The following SHISA9 variants were observed in gnomAD, a reference collection of about 807,000 sequenced individuals.
The protein encoded by SHISA9 is protein shisa-9.
In SHISA9, 13 loss-of-function variants were observed where a neutral mutation model predicts 38.0. The ratio of observed to expected loss-of-function variants is 0.34; its 90% CI spans 0.22 to 0.54. The LOEUF (loss-of-function observed/expected upper bound fraction) is 0.54. SHISA9 is among the 20% of genes least tolerant of loss of function. SHISA9 has a pLI of 0.91. For synonymous variants in SHISA9, 275 were observed against 242.0 expected, an observed-to-expected ratio of 1.14 and a Z score of -1.27; for missense variants, 538 against 575.8, an observed-to-expected ratio of 0.93 and a Z score of 0.67.
intron 2 of SHISA9, among the ~76,000 whole-genome samples, chr16:13,044,420 A>G (rs965503349): frequency 1.3e-5 from 2 of 152,196 alleles, no homozygotes; most frequent in Non-Finnish European, 2.9e-5. Context: ...TCTCATCCAT[A>G]AAATGATTGT....
chr16:13,288,995 A>C, the SHISA9 span, among the ~76,000 whole-genome samples: 1 of 152,154 alleles, frequency 6.6e-6, no homozygotes, highest in Non-Finnish European at 1.5e-5. Context: ...AGGTTGGTGC[A>C]CAATTCTGTC....
chr16:12,996,605 C>T (rs1048938373), intron 2 of SHISA9, among the ~76,000 whole-genome samples: 6 of 152,096 alleles, frequency 3.9e-5, no homozygotes, highest in Admixed American at 3.3e-4. Context: ...ACTGTGCAAC[C>T]GAACTCAGGA....
chr16:13,122,507 C>T (rs1389880846), intron 2 of SHISA9, among the ~76,000 whole-genome samples: 2 of 152,114 alleles, frequency 1.3e-5, no homozygotes, highest in Admixed American at 6.5e-5. Context: ...CATATTTTCT[C>T]GAGAACAGGT....
intron 2 of SHISA9, among the ~76,000 whole-genome samples, chr16:13,045,187 G>A (rs969852897): frequency 2.0e-5 from 3 of 152,226 alleles, no homozygotes; most frequent in Non-Finnish European, 4.4e-5. Flanking sequence ...AGTCAATATA[G>A]AAATGTTAAG....
the SHISA9 span, among the ~76,000 whole-genome samples, chr16:13,528,515 C>A: frequency 1.3e-5 from 2 of 152,072 alleles, no homozygotes; most frequent in Non-Finnish European, 2.9e-5. Flanking sequence ...AATTGAAATT[C>A]ATCAAGATCC....
intron 2 of SHISA9, among the ~76,000 whole-genome samples, chr16:13,136,487 C>T (rs1233486784): frequency 6.6e-6 from 1 of 150,694 alleles, no homozygotes; most frequent in Non-Finnish European, 1.5e-5. Flanking sequence ...CAACCTCCAC[C>T]TCCCAGGTTC....
chr16:13,268,185 G>C, the SHISA9 span, among the ~76,000 whole-genome samples: 1 of 152,102 alleles, frequency 6.6e-6, no homozygotes, highest in South Asian at 2.1e-4. Flanking sequence ...CCAGGGAGAT[G>C]TTTGGCATGC....
At chr16:13,093,014 A>G (rs527682406) in intron 2 of SHISA9, among the ~76,000 whole-genome samples, 2 of 152,186 alleles carry the variant, frequency 1.3e-5, no homozygotes, top group African/African-American at 4.8e-5. Flanking sequence ...TGTGATATGA[A>G]CCTAACACTT....
At chr16:13,178,837 AG>A in intron 2 of SHISA9, among the ~76,000 whole-genome samples, 1 of 135,838 alleles carries the variant, frequency 7.4e-6, no homozygotes, top group African/African-American at 2.9e-5. Context: ...TTCAGAGGCC[AG>A]GTTTTTGTTG....
At chr16:13,488,141 C>G in the SHISA9 span, among the ~76,000 whole-genome samples, 1 of 152,080 alleles carries the variant, frequency 6.6e-6, no homozygotes, top group East Asian at 1.9e-4. Flanking sequence ...CCACAGTCAT[C>G]CTTCCCCACT....
the SHISA9 span, among the ~76,000 whole-genome samples, chr16:13,530,269 C>T: frequency 2.6e-5 from 4 of 152,082 alleles, no homozygotes; most frequent in African/African-American, 7.2e-5. Flanking sequence ...GCACTGCACT[C>T]CCGCCTGGGT....
At chr16:13,114,509 A>G (rs1416003321) in intron 2 of SHISA9, among the ~76,000 whole-genome samples, 1 of 150,734 alleles carries the variant, frequency 6.6e-6, no homozygotes, top group Non-Finnish European at 1.5e-5. Flanking sequence ...ACGAAGAACT[A>G]GGTAACAATC....
At chr16:12,984,938 C>T (rs1331863962) in intron 2 of SHISA9, among the ~76,000 whole-genome samples, 1 of 152,134 alleles carries the variant, frequency 6.6e-6, no homozygotes, top group Non-Finnish European at 1.5e-5. Context: ...AATGTATGTC[C>T]AGAGCTCCCG....
the SHISA9 span, among the ~76,000 whole-genome samples, chr16:13,344,814 G>C: frequency 6.6e-6 from 1 of 152,148 alleles, no homozygotes; most frequent in Admixed American, 6.5e-5. Context: ...AGCCCAAGAA[G>C]CATGCCTCCA....
chr16:13,423,028 C>T, the SHISA9 span, among the ~76,000 whole-genome samples: 1 of 152,208 alleles, frequency 6.6e-6, no homozygotes, highest in Non-Finnish European at 1.5e-5. Context: ...GGTGCATGGT[C>T]TTGCACAAAT....
At chr16:13,550,286 C>A in the SHISA9 span, among the ~76,000 whole-genome samples, 7 of 152,006 alleles carry the variant, frequency 4.6e-5, no homozygotes, top group Non-Finnish European at 7.4e-5. Context: ...TATCTCCAGC[C>A]CCTAGAAACT....
At chr16:13,433,884 T>C in the SHISA9 span, among the ~76,000 whole-genome samples, 2 of 152,222 alleles carry the variant, frequency 1.3e-5, no homozygotes, top group Non-Finnish European at 2.9e-5. Context: ...TGCTTGTGTG[T>C]ATTAGTCAGG....
the SHISA9 span, among the ~76,000 whole-genome samples, chr16:13,490,261 G>A: frequency 3.9e-5 from 6 of 152,084 alleles, no homozygotes; most frequent in East Asian, 3.9e-4. Flanking sequence ...GGTGTTTGTC[G>A]AACAATGGTG....
chr16:12,960,246 T>G (rs1218890474), intron 2 of SHISA9, among the ~76,000 whole-genome samples: 3 of 152,236 alleles, frequency 2.0e-5, no homozygotes, highest in Non-Finnish European at 2.9e-5. Flanking sequence ...TCTAGCGTAG[T>G]GCCAGGTACA....
Sources: gnomAD v4.1 joint callset for allele counts (sites outside exome capture counted in the v4.1 genomes callset) on GRCh38, gnomAD v4.1.1 for gene constraint, MANE v1.5 for transcripts, NCBI Gene and HGNC (gene_info 2026-07-23, HGNC 2026-07-21) for gene names.